Variants in KCNQ5 observed in about 807,000 individuals in gnomAD.
KCNQ5 encodes the protein potassium voltage-gated channel subfamily KQT member 5.
In KCNQ5, 30 loss-of-function variants were observed where a neutral mutation model predicts 98.2. The observed-to-expected ratio is 0.31, with a 90% CI of 0.23 to 0.41. The LOEUF is 0.41. KCNQ5 is among the 10% of genes least tolerant of loss of function. The pLI, the probability that KCNQ5 is intolerant of heterozygous loss-of-function variation, is 1.00. For missense variants in KCNQ5, 835 were observed against 1,182.5 expected, an observed-to-expected ratio of 0.71 and a Z score of 4.31; for synonymous variants, 458 against 449.4, an observed-to-expected ratio of 1.02 and a Z score of -0.24.
chr6:72,859,375 A>T (rs949024975), intron 1 of KCNQ5, among the ~76,000 whole-genome samples: 7 of 152,102 alleles, frequency 4.6e-5, no homozygotes, highest in African/African-American at 1.7e-4. Context: ...TCATCTTCCA[A>T]TGTGCAGAAA....
In KCNQ5 at chr6:73,174,823, G is replaced by A. The variant is rs146169190; in HGVS notation, c.1577+4969G>A. Among the ~76,000 whole-genome samples the A allele has an allele frequency of 4.7e-3, 714 of 152,292 alleles. 3 individuals are homozygous for A. The highest frequency in any genetic ancestry group is 0.016 in the African/African-American group (684 of 41,566). The stretch of plus-strand genomic sequence containing the variant: ...GAATAAATGAATAAACATTTGCAAA[G>A]CACTTAGAACGGTATACACGGTCAG... On this transcript the variant is annotated intron_variant, in intron 11 of 13. Coordinates refer to ENST00000370398, the MANE Select transcript of KCNQ5 (RefSeq NM_019842.4).
intron 3 of KCNQ5, among the ~76,000 whole-genome samples, chr6:73,062,310 A>C (rs1003247540): frequency 6.6e-6 from 1 of 152,102 alleles, no homozygotes; most frequent in South Asian, 2.1e-4. Flanking sequence ...GATTGTGGTT[A>C]CTCGATTCAG....
At chr6:73,164,948 C>A (rs1777737505) in intron 10 of KCNQ5, among the ~76,000 whole-genome samples, 2 of 151,884 alleles carry the variant, frequency 1.3e-5, no homozygotes, top group South Asian at 4.2e-4. Context: ...TGAAGGACAG[C>A]ATAAAACACT....
intron 1 of KCNQ5, among the ~76,000 whole-genome samples, chr6:72,831,921 T>C (rs528117662): frequency 6.6e-6 from 1 of 151,812 alleles, no homozygotes; most frequent in African/African-American, 2.4e-5. Context: ...GGCAGAGATG[T>C]TGGGGGCTAA....
intron 2 of KCNQ5, among the ~76,000 whole-genome samples, chr6:73,026,039 T>C (rs559052480): frequency 6.6e-6 from 1 of 152,226 alleles, no homozygotes; most frequent in Non-Finnish European, 1.5e-5. Context: ...TTGCCTAGAA[T>C]AGACACACTT....
intron 1 of KCNQ5, among the ~76,000 whole-genome samples, chr6:72,797,792 G>A (rs747280474): frequency 1.3e-5 from 2 of 151,956 alleles, no homozygotes; most frequent in African/African-American, 4.8e-5. Flanking sequence ...AGTATTTTGA[G>A]CAGGAAAAAA....
At chr6:73,023,999 T>C (rs1008144467) in intron 2 of KCNQ5, among the ~76,000 whole-genome samples, 11 of 152,208 alleles carry the variant, frequency 7.2e-5, no homozygotes, top group African/African-American at 2.7e-4. Context: ...GTTTTTTATC[T>C]ACATAAATAT....
At chr6:72,644,882 A>T (rs530432711) in intron 1 of KCNQ5, among the ~76,000 whole-genome samples, 2 of 152,288 alleles carry the variant, frequency 1.3e-5, no homozygotes, top group East Asian at 3.9e-4. Context: ...CAAATTGCTC[A>T]TAGTGAATAT....
intron 1 of KCNQ5, among the ~76,000 whole-genome samples, chr6:72,628,263 T>A (rs1290682387): frequency 2.6e-5 from 4 of 152,188 alleles, no homozygotes; most frequent in Non-Finnish European, 5.9e-5. Context: ...TGACGATTCA[T>A]TTAAAAGAAA....
At chr6:73,012,263 T>C (rs921001055) in intron 2 of KCNQ5, among the ~76,000 whole-genome samples, 1 of 151,848 alleles carries the variant, frequency 6.6e-6, no homozygotes, top group African/African-American at 2.4e-5. Context: ...GGCATATACA[T>C]ACAAAAAAAG....
At chr6:72,929,854 A>C (rs1230820987) in intron 1 of KCNQ5, among the ~76,000 whole-genome samples, 1 of 152,180 alleles carries the variant, frequency 6.6e-6, no homozygotes, top group African/African-American at 2.4e-5. Flanking sequence ...GATATTTGTT[A>C]ATATTAAACA....
At chr6:72,730,160 A>G (rs1388045407) in intron 1 of KCNQ5, among the ~76,000 whole-genome samples, 4 of 152,202 alleles carry the variant, frequency 2.6e-5, no homozygotes, top group African/African-American at 9.7e-5. Context: ...CTGTCACTAT[A>G]TAAAGAAAGA....
At chr6:72,852,672 AATGGTAAAGATGTTAAATTT>A (rs1554171118) in intron 1 of KCNQ5, among the ~76,000 whole-genome samples, 20 of 51,538 alleles carry the variant, frequency 3.9e-4, no homozygotes, top group South Asian at 6.8e-4. Flanking sequence ...AATGGCACTT[AATGGTAAAGATGTTAAATTT>A]TATATGTATA....
At chr6:73,058,538 A>C (rs1266150910) in intron 3 of KCNQ5, among the ~76,000 whole-genome samples, 2 of 152,230 alleles carry the variant, frequency 1.3e-5, no homozygotes, top group Non-Finnish European at 2.9e-5. Flanking sequence ...ACAAAAATTG[A>C]CTAATTTTGT....
At chr6:72,950,724 C>T (rs567356291) in intron 1 of KCNQ5, among the ~76,000 whole-genome samples, 95 of 152,164 alleles carry the variant, frequency 6.2e-4, no homozygotes, top group Non-Finnish European at 9.7e-4. Context: ...AGGGCTGGAG[C>T]GGTAGAACAA....
chr6:72,869,067 G>T (rs2150160181), intron 1 of KCNQ5, among the ~76,000 whole-genome samples: 1 of 152,226 alleles, frequency 6.6e-6, no homozygotes, highest in African/African-American at 2.4e-5. Flanking sequence ...ATTACACATT[G>T]TATGCCTGTA....
At chr6:73,025,644 AAAAAAAAAAAAAAAAT>A (rs200860670) in intron 2 of KCNQ5, among the ~76,000 whole-genome samples, 68,311 of 121,078 alleles carry the variant, frequency 0.56, 23,393 homozygotes, top group Non-Finnish European at 0.75. Context: ...AAAAAAAAAA[AAAAAAAAAAAAAAAAT>A]TCAAGTGTTC....
chr6:72,639,848 C>A (rs931875828), intron 1 of KCNQ5, among the ~76,000 whole-genome samples: 1 of 151,546 alleles, frequency 6.6e-6, no homozygotes, highest in Non-Finnish European at 1.5e-5. Context: ...GAGGTCTGTA[C>A]AAATAAAAAA....
At chr6:72,631,249 C>T (rs565419511) in intron 1 of KCNQ5, among the ~76,000 whole-genome samples, 2 of 152,142 alleles carry the variant, frequency 1.3e-5, no homozygotes, top group East Asian at 3.9e-4. Flanking sequence ...TGTGGGAATT[C>T]CAACTATAAA....
Sources: allele counts gnomAD v4.1 joint callset (sites outside exome capture counted in the v4.1 genomes callset), GRCh38; gene constraint gnomAD v4.1.1; transcripts MANE v1.5; gene names NCBI Gene and HGNC (gene_info 2026-07-23, HGNC 2026-07-21).